ADGRL3: variants seen among roughly 807,000 people sequenced by gnomAD.
ADGRL3 encodes calcium-independent alpha-latrotoxin receptor 3.
Under a neutral mutation model 153.5 loss-of-function variants are expected in ADGRL3, and 62 were observed. That is an observed-to-expected ratio of 0.40 (90% CI 0.33 to 0.50). The LOEUF (loss-of-function observed/expected upper bound fraction) is 0.50. Ranked by LOEUF, ADGRL3 falls within the 20% of genes least tolerant of loss-of-function variation. ADGRL3 has a pLI of 0.47. For synonymous variants in ADGRL3, 710 were observed against 672.5 expected, an observed-to-expected ratio of 1.06 and a Z score of -0.86; for missense variants, 1,641 against 1,859.4, an observed-to-expected ratio of 0.88 and a Z score of 2.16.
At chr4:61,682,593 G>A (rs1047019759) in intron 6 of ADGRL3, among the ~76,000 whole-genome samples, 1 of 143,404 alleles carries the variant, frequency 7.0e-6, no homozygotes, top group Non-Finnish European at 1.5e-5. Context: ...TAGACCTAGG[G>A]TCTCACTATG....
At chr4:61,358,563 C>T (rs570130425) in intron 1 of ADGRL3, among the ~76,000 whole-genome samples, 4 of 139,706 alleles carry the variant, frequency 2.9e-5, no homozygotes, top group African/African-American at 8.1e-5. Flanking sequence ...TGCCACTGCA[C>T]TCCAGCCTGG....
chr4:61,752,649 T>C (rs1286891906), intron 8 of ADGRL3, among the ~76,000 whole-genome samples: 4 of 152,182 alleles, frequency 2.6e-5, no homozygotes, highest in Admixed American at 6.6e-5. Flanking sequence ...TTCAGTATGC[T>C]GGCTGGGCAC....
intron 5 of ADGRL3, among the ~76,000 whole-genome samples, chr4:61,601,133 A>G (rs2099009898): frequency 6.6e-6 from 1 of 152,004 alleles, no homozygotes; most frequent in Admixed American, 6.6e-5. Context: ...TTACTTTTTT[A>G]CTTTAAAATT....
rs147569770 is a variant in ADGRL3, at chr4:61,551,884, A to G, written c.259+34366A>G. 2.9e-3 allele frequency among the ~76,000 whole-genome samples: 440 copies of G among 152,300 alleles called. 3 individuals are homozygous for G. The highest frequency in any genetic ancestry group is 1.0e-2 in the African/African-American group (414 of 41,570). ...TGACTGTAAATGGCACTGTATGTTTATATACACTTATGTATACATATATTG... is the reference window on the plus strand; with the variant it reads ...TGACTGTAAATGGCACTGTATGTTTGTATACACTTATGTATACATATATTG... On this transcript the variant is annotated intron_variant, in intron 4 of 26. Coordinates refer to ENST00000683033, the MANE Select transcript of ADGRL3 (RefSeq NM_001387552.1).
chr4:61,432,592 T>TTC (rs796192310), intron 2 of ADGRL3, among the ~76,000 whole-genome samples: 1 of 8,192 alleles, frequency 1.2e-4, no homozygotes, highest in African/African-American at 2.6e-4. Context: ...CTTTCTTTCT[T>TTC]TCTTTCTTTC....
intron 5 of ADGRL3, among the ~76,000 whole-genome samples, chr4:61,597,767 T>C (rs1039022500): frequency 6.6e-6 from 1 of 152,020 alleles, no homozygotes; most frequent in African/African-American, 2.4e-5. Flanking sequence ...TTCATATGTA[T>C]TTCTCATATA....
intron 1 of ADGRL3, among the ~76,000 whole-genome samples, chr4:61,257,483 C>T (rs2092078729): frequency 6.6e-6 from 1 of 151,970 alleles, no homozygotes; most frequent in Non-Finnish European, 1.5e-5. Context: ...TTGTGTGGGC[C>T]AGTGAACCTA....
intron 9 of ADGRL3, among the ~76,000 whole-genome samples, chr4:61,877,664 C>G (rs114674407): frequency 1.5e-3 from 230 of 152,286 alleles, no homozygotes; most frequent in African/African-American, 5.3e-3. Flanking sequence ...GTCCAAGCTT[C>G]AACTGTCTGT....
Position 62,071,783 on chromosome 4 carries a change from G to C in ADGRL3, c.*875G>C, listed in dbSNP as rs1745746847. The C allele has an allele frequency of 2.6e-6, 1 of 383,636 alleles. No homozygotes were observed. The highest frequency in any genetic ancestry group is 5.0e-6 in the Non-Finnish European group (1 of 200,100). The allele number at this position is 383,636 out of a possible 1,614,324, so 23.8% of individuals were successfully genotyped here. A position where few individuals can be genotyped will look rare whatever the true frequency, so the allele number is the denominator to read the frequency against. On this transcript the variant is annotated 3_prime_UTR_variant, in exon 27 of 27. Coordinates refer to ENST00000683033, the MANE Select transcript of ADGRL3 (RefSeq NM_001387552.1). ...TTTTATTCCTTTAAAATTTCGCCTG[G>C]CAAAAAATAAATAAATGGAACTATC...
At chr4:61,416,300 G>A (rs1267062897) in intron 2 of ADGRL3, among the ~76,000 whole-genome samples, 1 of 150,518 alleles carries the variant, frequency 6.6e-6, no homozygotes, top group Non-Finnish European at 1.5e-5. Flanking sequence ...CCGAAACTGT[G>A]AGTATTTTAA....
chr4:61,378,133 G>C (rs940561801), intron 1 of ADGRL3, among the ~76,000 whole-genome samples: 3 of 151,926 alleles, frequency 2.0e-5, no homozygotes, highest in Non-Finnish European at 4.4e-5. Flanking sequence ...GGATGGGAGA[G>C]AGACAGGAAA....
At chr4:61,230,619 A>T (rs1176868895) in intron 1 of ADGRL3, among the ~76,000 whole-genome samples, 1 of 152,102 alleles carries the variant, frequency 6.6e-6, no homozygotes, top group Non-Finnish European at 1.5e-5. Flanking sequence ...CTCTGGCCTC[A>T]AGTCATCCTC....
chr4:61,213,011 A>G (rs753070277), intron 1 of ADGRL3, among the ~76,000 whole-genome samples: 3 of 152,186 alleles, frequency 2.0e-5, no homozygotes, highest in Non-Finnish European at 4.4e-5. Context: ...CATTTATTCA[A>G]TGAGACCTTT....
intron 6 of ADGRL3, among the ~76,000 whole-genome samples, chr4:61,703,532 A>G (rs889312897): frequency 6.6e-6 from 1 of 152,166 alleles, no homozygotes; most frequent in African/African-American, 2.4e-5. Context: ...AAAACTGCTT[A>G]TTCTTTCAAC....
chr4:61,577,997 A>G (rs7669283), intron 4 of ADGRL3, among the ~76,000 whole-genome samples: 83,259 of 151,734 alleles, frequency 0.55, 23,215 homozygotes, highest in East Asian at 0.66. Context: ...CTGTTAAGAA[A>G]AAAAGTTCCT....
chr4:61,790,182 T>A (rs531124658), intron 8 of ADGRL3, among the ~76,000 whole-genome samples: 1 of 152,326 alleles, frequency 6.6e-6, no homozygotes, highest in African/African-American at 2.4e-5. Flanking sequence ...GTATTTCATA[T>A]TTAAATTCTT....
intron 2 of ADGRL3, among the ~76,000 whole-genome samples, chr4:61,429,557 A>G (rs563900474): frequency 1.3e-5 from 2 of 152,276 alleles, no homozygotes; most frequent in South Asian, 4.1e-4. Flanking sequence ...TTAGACTTGG[A>G]GGAAAATGAT....
At chr4:61,272,912 T>C (rs562863823) in intron 1 of ADGRL3, among the ~76,000 whole-genome samples, 2 of 152,164 alleles carry the variant, frequency 1.3e-5, no homozygotes, top group South Asian at 4.1e-4. Context: ...TCTGGAGAGG[T>C]GTAGGACATT....
chr4:61,752,527 C>A (rs1293876467), intron 8 of ADGRL3, among the ~76,000 whole-genome samples: 1 of 152,150 alleles, frequency 6.6e-6, no homozygotes, highest in Non-Finnish European at 1.5e-5. Flanking sequence ...TAAGAATGCT[C>A]CTTTCCTCTG....
Sources: allele counts gnomAD v4.1 joint callset (sites outside exome capture counted in the v4.1 genomes callset), GRCh38; gene constraint gnomAD v4.1.1; transcripts MANE v1.5; gene names NCBI Gene and HGNC (gene_info 2026-07-23, HGNC 2026-07-21).